LINGO2: variants seen among roughly 807,000 people sequenced by gnomAD.
LINGO2 encodes leucine-rich repeat and immunoglobulin-like domain-containing nogo receptor-interacting protein 2.
A neutral mutation model predicts 30.6 loss-of-function variants in LINGO2; 14 were observed. The ratio of observed to expected loss-of-function variants is 0.46; its 90% CI spans 0.30 to 0.72. The LOEUF (loss-of-function observed/expected upper bound fraction) is 0.72, where lower values mean the gene tolerates loss of function less well. Ranked by LOEUF, LINGO2 falls within the 30% of genes least tolerant of loss-of-function variation. The probability of loss-of-function intolerance (pLI) is 0.07; values close to 1 mark genes in which losing one functional copy is unlikely to be tolerated. For synonymous variants in LINGO2, 317 were observed against 288.5 expected (o/e 1.10, Z -1.00); for missense variants, 729 against 751.7 (o/e 0.97, Z 0.35).
intron 4 of LINGO2, among the ~76,000 whole-genome samples, chr9:28,084,679 G>C (rs1825861227): frequency 6.6e-6 from 1 of 152,044 alleles, no homozygotes; most frequent in Non-Finnish European, 1.5e-5. Flanking sequence ...TCCAGATGCT[G>C]TTTTATCTGT....
chr9:29,165,004 A>G, the LINGO2 span, among the ~76,000 whole-genome samples: 10 of 152,164 alleles, frequency 6.6e-5, no homozygotes, highest in Non-Finnish European at 2.9e-5. Flanking sequence ...AAATTTTAAG[A>G]AAATGAAAAT....
At chr9:28,590,792 G>C (rs2135704946) in intron 1 of LINGO2, among the ~76,000 whole-genome samples, 1 of 152,244 alleles carries the variant, frequency 6.6e-6, no homozygotes, top group Middle Eastern at 3.4e-3. Flanking sequence ...ATTTGACCCA[G>C]CCATCCCATT....
chr9:28,555,174 C>CA lies in LINGO2; in HGVS notation c.-364-79150dup, dbSNP rs1358373477. On this transcript the variant is annotated intron_variant, in intron 1 of 5. Coordinates refer to ENST00000379992, the Ensembl canonical transcript of LINGO2. ...AGCAGAACTGAAGGAAATAGAGACA[C>CA]AAAAAACCCTTCAAAAAATCAATGA... Among the ~76,000 whole-genome samples, 612 of 131,000 alleles carry CA rather than the reference C, an allele frequency of 4.7e-3. 4 individuals carry two copies. Among genetic ancestry groups the CA allele is most frequent in the African/African-American group, 0.019 (579 of 30,092 alleles). The allele number at this position is 131,000 out of a possible 152,430, so 85.9% of individuals were successfully genotyped here. A position where few individuals can be genotyped will look rare whatever the true frequency, so the allele number is the denominator to read the frequency against.
chr9:28,934,354 C>CAA, the LINGO2 span, among the ~76,000 whole-genome samples: 6 of 152,106 alleles, frequency 3.9e-5, no homozygotes, highest in East Asian at 1.2e-3. Flanking sequence ...TAGAAAGAGC[C>CAA]TGAAAATGAC....
intron 4 of LINGO2, among the ~76,000 whole-genome samples, chr9:28,277,837 C>CAAAAAAAAAAAAAAA (rs765748438): frequency 7.4e-5 from 8 of 107,986 alleles, no homozygotes; most frequent in African/African-American, 1.1e-4. Context: ...CAAAACAAAA[C>CAAAAAAAAAAAAAAA]AAAAAAAAAA....
chr9:28,746,688 A>C, the LINGO2 span, among the ~76,000 whole-genome samples: 1 of 151,960 alleles, frequency 6.6e-6, no homozygotes, highest in Non-Finnish European at 1.5e-5. Context: ...TTGATGTAAG[A>C]TCAAGGAAAT....
rs146035043 is a variant in LINGO2, at chr9:28,388,721, T to G, written c.-278-15853A>C. On this transcript the variant is annotated intron_variant, in intron 2 of 5. Coordinates refer to ENST00000379992, the Ensembl canonical transcript of LINGO2. ...GTATTTCCTTGTGTATTTTGTGGTT[T>G]TTGACTCTAAGTTGATATTCCTTGA... is the stretch of plus-strand genomic sequence containing the variant. 8.2e-4 allele frequency among the ~76,000 whole-genome samples: 125 copies of G among 152,318 alleles called. 1 individual carries two copies. The highest frequency in any genetic ancestry group is 2.8e-3 in the African/African-American group (115 of 41,578).
At chr9:29,126,779 C>T in the LINGO2 span, among the ~76,000 whole-genome samples, 55 of 152,068 alleles carry the variant, frequency 3.6e-4, no homozygotes, top group Admixed American at 2.5e-3. Context: ...CCTTCTGAGG[C>T]AGGAGAATAG....
chr9:28,949,162 T>C, the LINGO2 span, among the ~76,000 whole-genome samples: 1 of 151,886 alleles, frequency 6.6e-6, no homozygotes, highest in Non-Finnish European at 1.5e-5. Flanking sequence ...GTGGGAAAGA[T>C]CTAAAACCGA....
chr9:28,473,547 T>C (rs1314291676), intron 2 of LINGO2, among the ~76,000 whole-genome samples: 3 of 152,132 alleles, frequency 2.0e-5, no homozygotes, highest in Non-Finnish European at 4.4e-5. Context: ...TGCATTACTG[T>C]AAGTTCTTCC....
the LINGO2 span, among the ~76,000 whole-genome samples, chr9:29,052,079 T>C: frequency 6.6e-6 from 1 of 152,142 alleles, no homozygotes; most frequent in South Asian, 2.1e-4. Context: ...TGGTTCAACT[T>C]AATACAAAAC....
At chr9:28,166,713 A>G (rs1469945541) in intron 4 of LINGO2, among the ~76,000 whole-genome samples, 1 of 152,036 alleles carries the variant, frequency 6.6e-6, no homozygotes, top group Non-Finnish European at 1.5e-5. Flanking sequence ...TTTAACCAAT[A>G]ACATTATTGA....
At chr9:27,950,411 G>A in exon 6 of LINGO2, 1 of 1,614,160 alleles carries the variant, frequency 6.2e-7, no homozygotes, top group South Asian at 1.1e-5. Context: ...TGTCACTCAA[G>A]TCTATCTCTT....
intron 5 of LINGO2, among the ~76,000 whole-genome samples, chr9:28,009,902 A>G (rs147559030): frequency 6.2e-4 from 94 of 152,334 alleles, no homozygotes; most frequent in African/African-American, 2.2e-3. Context: ...ATAAATATCT[A>G]TACAAAAACT....
At chr9:28,990,092 T>C in the LINGO2 span, among the ~76,000 whole-genome samples, 11 of 152,180 alleles carry the variant, frequency 7.2e-5, no homozygotes, top group African/African-American at 1.9e-4. Flanking sequence ...GGGTGAGGCA[T>C]TGCCTCACTG....
intron 3 of LINGO2, among the ~76,000 whole-genome samples, chr9:28,306,094 T>C (rs919147622): frequency 2.6e-5 from 4 of 152,136 alleles, no homozygotes; most frequent in Admixed American, 2.6e-4. Flanking sequence ...AAAGCTGACA[T>C]GTCCTGACAC....
chr9:28,140,792 C>T (rs1827649998), intron 4 of LINGO2, among the ~76,000 whole-genome samples: 1 of 152,098 alleles, frequency 6.6e-6, no homozygotes, highest in African/African-American at 2.4e-5. Flanking sequence ...TTATACACTC[C>T]ACAAAGACAG....
chr9:29,212,779 C>G, the LINGO2 span, among the ~76,000 whole-genome samples: 1 of 152,184 alleles, frequency 6.6e-6, no homozygotes, highest in Non-Finnish European at 1.5e-5. Flanking sequence ...CCGGCTACTC[C>G]CTGACTTGCC....
At chr9:27,938,744 C>G in the LINGO2 span, 1 of 152,126 alleles carries the variant, frequency 6.6e-6, no homozygotes, top group Non-Finnish European at 1.5e-5. Context: ...AAACACAGAG[C>G]TAAGGTTTAA....
Sources: allele counts gnomAD v4.1 joint callset (sites outside exome capture counted in the v4.1 genomes callset), GRCh38; gene constraint gnomAD v4.1.1; transcripts MANE v1.5; gene names NCBI Gene and HGNC (gene_info 2026-07-23, HGNC 2026-07-21).